Variants in DNAH5 observed in about 807,000 individuals in gnomAD.
DNAH5 encodes dynein axonemal heavy chain 5.
In DNAH5, 372 loss-of-function variants were observed where a neutral mutation model predicts 518.2. The observed-to-expected ratio is 0.72, with a 90% CI of 0.66 to 0.78. The LOEUF is 0.78. Among genes scored for constraint, DNAH5 ranks in the 30% least tolerant of loss-of-function variants. DNAH5 has a pLI of 0.00. For missense variants in DNAH5, 5,523 were observed against 5,687.0 expected (o/e 0.97, Z 0.93); for synonymous variants, 2,039 against 2,025.9 (o/e 1.01, Z -0.17).
intron 53 of DNAH5, among the ~76,000 whole-genome samples, chr5:13,780,491 T>A (rs1754930576): frequency 6.6e-6 from 1 of 152,234 alleles, no homozygotes; most frequent in South Asian, 2.1e-4. Context: ...TATTTTTCCA[T>A]TGTATTAACA....
chr5:13,810,759 AC>A (rs201495484), intron 44 of DNAH5, among the ~76,000 whole-genome samples: 268 of 127,898 alleles, frequency 2.1e-3, no homozygotes, highest in African/African-American at 7.2e-3. Context: ...ATGTCAAAAA[AC>A]AAAACAAACA....
chr5:13,721,353 C>T, intron 70 of DNAH5, 108 bp from the exon 71 acceptor site: 1 of 1,351,514 alleles, frequency 7.4e-7, no homozygotes, highest in South Asian at 1.2e-5. Context: ...GTGATGTCCA[C>T]AGTAACCCTG....
intron 32 of DNAH5, among the ~76,000 whole-genome samples, chr5:13,842,907 G>A (rs1765485062): frequency 6.6e-6 from 1 of 152,182 alleles, no homozygotes; most frequent in Non-Finnish European, 1.5e-5. Flanking sequence ...AAGTCTGTGG[G>A]CATTTAATTC....
intron 1 of DNAH5, among the ~76,000 whole-genome samples, chr5:13,979,959 C>T (rs1436328529): frequency 6.6e-6 from 1 of 151,734 alleles, no homozygotes; most frequent in Non-Finnish European, 1.5e-5. Flanking sequence ...TCTGCCTCAG[C>T]CTCCCGAGCA....
chr5:13,747,771 T>A (rs1253796211), intron 65 of DNAH5, among the ~76,000 whole-genome samples: 2 of 152,232 alleles, frequency 1.3e-5, no homozygotes, highest in Non-Finnish European at 2.9e-5. Context: ...TCTTTGTAGA[T>A]TCTGGATATT....
At chr5:13,983,496 C>A (rs191641235) in intron 1 of DNAH5, among the ~76,000 whole-genome samples, 11 of 152,328 alleles carry the variant, frequency 7.2e-5, no homozygotes, top group African/African-American at 2.4e-4. Flanking sequence ...AATACACAAA[C>A]ACATTCCATC....
In DNAH5 at chr5:13,780,875, C is replaced by T. The variant is rs756306722; in HGVS notation, c.8905G>A (p.Ala2969Thr). The change falls in exon 53 of 79, where the codon GCT becomes ACT. Residue 2969 changes from alanine to threonine, a missense_variant. Transcript: ENST00000265104. ...GAAACGTAGCCAGCAATGAATGAAG[C>T]CAACCTCGTCAGGCTCTGCTTTCCT... ...GSGKQSLTRL[A>T]SFIAGYVSFQ... The T allele has an allele frequency of 1.2e-6, 2 of 1,613,672 alleles. No individual in the cohort carries two copies. Among genetic ancestry groups the T allele is most frequent in the Admixed American group, 1.7e-5 (1 of 59,972 alleles).
chr5:13,768,553 C>T (rs1752845397), intron 58 of DNAH5, among the ~76,000 whole-genome samples: 1 of 152,160 alleles, frequency 6.6e-6, no homozygotes, highest in African/African-American at 2.4e-5. Flanking sequence ...ACCAGCAGCT[C>T]TCTATTTGGG....
chr5:13,780,484 T>C (rs934286025), intron 53 of DNAH5, among the ~76,000 whole-genome samples: 1 of 152,242 alleles, frequency 6.6e-6, no homozygotes, highest in Admixed American at 6.5e-5. Context: ...CTTCATCTAT[T>C]TTTCCATTGT....
chr5:13,889,147 G>T (rs1338322781), intron 17 of DNAH5, among the ~76,000 whole-genome samples: 6 of 152,044 alleles, frequency 3.9e-5, no homozygotes, highest in African/African-American at 9.7e-5. Context: ...TGATTAAAAG[G>T]CTAGTTTCTT....
At chr5:13,789,709 T>C (rs1270591652) in intron 50 of DNAH5, among the ~76,000 whole-genome samples, 2 of 152,212 alleles carry the variant, frequency 1.3e-5, no homozygotes, top group African/African-American at 2.4e-5. Context: ...GCTGGAATTG[T>C]TTGTGCTGAT....
At chr5:13,978,053 A>T (rs201217712) in intron 1 of DNAH5, among the ~76,000 whole-genome samples, 7 of 152,210 alleles carry the variant, frequency 4.6e-5, no homozygotes, top group African/African-American at 1.7e-4. Flanking sequence ...TGCAGCTTTG[A>T]GGCCCAAGGG....
intron 49 of DNAH5, among the ~76,000 whole-genome samples, chr5:13,792,650 T>C (rs572665702): frequency 6.7e-6 from 1 of 149,722 alleles, no homozygotes; most frequent in Admixed American, 6.7e-5. Context: ...TAAGGAATAA[T>C]TAAAAATGAT....
chr5:13,899,814 G>C (rs1774344119), intron 15 of DNAH5: 3 of 214,874 alleles, frequency 1.4e-5, no homozygotes, highest in Non-Finnish European at 2.8e-5. Flanking sequence ...TGCCATCCCA[G>C]TTCAAGCTCT....
At chr5:13,940,055 T>C (rs1464731998) in intron 1 of DNAH5, among the ~76,000 whole-genome samples, 1 of 152,116 alleles carries the variant, frequency 6.6e-6, no homozygotes, top group Non-Finnish European at 1.5e-5. Flanking sequence ...ATTTACTCAC[T>C]CCCTTACCTA....
Position 13,894,753 on chromosome 5 carries a change from A to T in DNAH5, c.2328T>A (p.Pro776=). The T allele has an allele frequency of 6.2e-7, 1 of 1,614,176 alleles. No individual in the cohort carries two copies. The highest frequency in any genetic ancestry group is 8.5e-7 in the Non-Finnish European group (1 of 1,179,988). ...IPAAIEQLIV[P]HLAKVDEALQ... ...GAGCTTCATCCACTTTGGCCAAGTGAGGGACAATCAATTGCTCAATGGCAG... is the reference window on the plus strand; with the variant it reads ...GAGCTTCATCCACTTTGGCCAAGTGTGGGACAATCAATTGCTCAATGGCAG... Residue 776 remains proline (P), a synonymous_variant, in exon 16 of 79, where the codon CCT becomes CCA. Transcript: ENST00000265104.
At chr5:14,008,388 C>T (rs1276115920) in intron 1 of DNAH5, among the ~76,000 whole-genome samples, 2 of 145,906 alleles carry the variant, frequency 1.4e-5, no homozygotes, top group Admixed American at 6.8e-5. Context: ...TTTGGGAGGC[C>T]GAGGCGGGTG....
rs1757361572 is a variant in DNAH5 at position 13,793,627 on chromosome 5, T to C, written c.8112A>G (p.Ala2704=). 1 of 1,614,186 alleles carries C rather than the reference T, an allele frequency of 6.2e-7. No homozygotes were observed. Among genetic ancestry groups the C allele is most frequent in the Non-Finnish European group, 8.5e-7 (1 of 1,180,022 alleles). Residue 2704 remains alanine (A), a synonymous_variant, in exon 49 of 79, where the codon GCA becomes GCG. Coordinates refer to ENST00000265104, the MANE Select transcript of DNAH5 (RefSeq NM_001369.3). ...FTSIVDIQFL[A]AMIHPGGGRN... ...GTCCACCACCAGGATGGATCATGGC[T>C]GCCAAAAACTGGATGTCCACGATGC...
At position 13,794,001 on chromosome 5, in the gene DNAH5, C is replaced by T. The variant is rs763857369; in HGVS notation, c.7945G>A (p.Gly2649Arg). ...TCAATAAAAACAGTCATCTTCTTTC[C>T]CGCAGGAGGGCCATATGTTGTACCC... Reference protein sequence around the residue: ...RMGTTYGPPAGKKMTVFIDDV... With the variant: ...RMGTTYGPPARKKMTVFIDDV... Residue 2649 changes from glycine to arginine, a missense_variant, in exon 48 of 79, where the codon GGA becomes AGA. Transcript: ENST00000265104. 6.2e-7 allele frequency: 1 copy of T among 1,614,060 alleles called. No individual in the cohort carries two copies. The highest frequency in any genetic ancestry group is 8.5e-7 in the Non-Finnish European group (1 of 1,179,978).
Sources: gnomAD v4.1 joint callset for allele counts (sites outside exome capture counted in the v4.1 genomes callset) on GRCh38, gnomAD v4.1.1 for gene constraint, MANE v1.5 for transcripts, NCBI Gene and HGNC (gene_info 2026-07-23, HGNC 2026-07-21) for gene names.